The following ZNF385D variants were observed in gnomAD, a reference collection of about 807,000 sequenced individuals.
ZNF385D encodes the protein zinc finger protein 385D, also known as zinc finger protein 659.
A neutral mutation model predicts 35.8 loss-of-function variants in ZNF385D; 15 were observed. The ratio of observed to expected loss-of-function variants is 0.42; its 90% confidence interval spans 0.28 to 0.64. ZNF385D has a LOEUF of 0.64. ZNF385D is among the 30% of genes least tolerant of loss of function. ZNF385D has a pLI of 0.23. For missense variants in ZNF385D, 474 were observed against 494.6 expected (o/e 0.96, Z 0.39); for synonymous variants, 212 against 186.8 (o/e 1.13, Z -1.10).
intron 3 of ZNF385D, among the ~76,000 whole-genome samples, chr3:21,980,773 G>A (rs1000639412): frequency 2.0e-5 from 3 of 152,058 alleles, no homozygotes; most frequent in African/African-American, 7.2e-5. Context: ...GTGTTCATAA[G>A]TTCTTATCAT....
In ZNF385D at chr3:21,517,979, T is replaced by C. The variant is rs372292145; in HGVS notation, c.277-6956A>G. Among the ~76,000 whole-genome samples the C allele has an allele frequency of 5.5e-4, 84 of 152,270 alleles. 2 individuals carry two copies. The South Asian group carries it at 0.015, about 28-fold the overall frequency. ...ATTCTCAATCTCCATCCTGGACACA[T>C]TGAACCAGAAACTGAGAGGGAGGCT... On this transcript the variant is annotated intron_variant, in intron 3 of 7. Transcript: ENST00000281523.
chr3:21,967,257 C>A (rs1221731226), intron 3 of ZNF385D, among the ~76,000 whole-genome samples: 1 of 152,038 alleles, frequency 6.6e-6, no homozygotes, highest in Admixed American at 6.6e-5. Context: ...GGTCTTTTCT[C>A]GTCAAATTTC....
chr3:21,523,325 T>C (rs1708033807), intron 3 of ZNF385D, among the ~76,000 whole-genome samples: 1 of 152,202 alleles, frequency 6.6e-6, no homozygotes, highest in Non-Finnish European at 1.5e-5. Context: ...ACCAAACTTG[T>C]AGCCCCACTT....
intron 3 of ZNF385D, among the ~76,000 whole-genome samples, chr3:21,888,610 G>T (rs925952582): frequency 1.3e-5 from 2 of 152,092 alleles, no homozygotes; most frequent in African/African-American, 2.4e-5. Context: ...AAATAAAATG[G>T]AAACAGCAGG....
At position 21,600,493 on chromosome 3, in the gene ZNF385D, A is replaced by G. The variant is rs145540977; in HGVS notation, c.166-35809T>C. 1.4e-4 allele frequency among the ~76,000 whole-genome samples: 22 copies of G among 152,348 alleles called. No homozygotes were observed. The East Asian group carries it at 4.3e-3, about 29-fold the overall frequency. ...GAACAAGACCACACTCATTCATACTAGTCTTAATTAAAACAAGAAAAAAAC... is the reference window on the plus strand; with the variant it reads ...GAACAAGACCACACTCATTCATACTGGTCTTAATTAAAACAAGAAAAAAAC... On this transcript the variant is annotated intron_variant, in intron 2 of 7. Coordinates refer to ENST00000281523, the MANE Select transcript of ZNF385D (RefSeq NM_024697.3).
intron 1 of ZNF385D, among the ~76,000 whole-genome samples, chr3:21,737,834 A>G (rs1194094271): frequency 1.3e-5 from 2 of 152,196 alleles, no homozygotes; most frequent in African/African-American, 2.4e-5. Flanking sequence ...AGCAAGAAAG[A>G]AGACTGTTGC....
chr3:21,537,163 C>T (rs921193621), intron 3 of ZNF385D, among the ~76,000 whole-genome samples: 12 of 123,900 alleles, frequency 9.7e-5, no homozygotes, highest in Admixed American at 6.3e-4. Flanking sequence ...GATGGAGTCT[C>T]GCTGTGTCAC....
chr3:21,756,811 A>G (rs1222877137), intron 3 of ZNF385D, among the ~76,000 whole-genome samples: 1 of 152,234 alleles, frequency 6.6e-6, no homozygotes, highest in Non-Finnish European at 1.5e-5. Context: ...ACTCAATGTC[A>G]AAACAGTTTG....
At chr3:21,559,471 A>G (rs1009209388) in intron 3 of ZNF385D, among the ~76,000 whole-genome samples, 1 of 152,124 alleles carries the variant, frequency 6.6e-6, no homozygotes, top group Non-Finnish European at 1.5e-5. Context: ...TTTCTTTAAG[A>G]ATGTTGAATA....
At chr3:21,505,132 A>C (rs1388108060) in intron 4 of ZNF385D, among the ~76,000 whole-genome samples, 3 of 152,180 alleles carry the variant, frequency 2.0e-5, no homozygotes, top group African/African-American at 4.8e-5. Flanking sequence ...TGGGAAGTGC[A>C]GAACTCAAAA....
chr3:21,995,019 C>G (rs1446824217), intron 3 of ZNF385D, among the ~76,000 whole-genome samples: 2 of 152,216 alleles, frequency 1.3e-5, no homozygotes, highest in African/African-American at 4.8e-5. Flanking sequence ...ATCCTCTTGC[C>G]TCCAGGCAAC....
chr3:22,163,474 A>G (rs763004958), intron 3 of ZNF385D, among the ~76,000 whole-genome samples: 2 of 152,218 alleles, frequency 1.3e-5, no homozygotes, highest in Non-Finnish European at 2.9e-5. Flanking sequence ...GTAAATATGT[A>G]AAACATATTT....
intron 4 of ZNF385D, among the ~76,000 whole-genome samples, chr3:21,441,321 T>G (rs1410026239): frequency 6.6e-6 from 1 of 152,018 alleles, no homozygotes; most frequent in African/African-American, 2.4e-5. Context: ...AAACAAGAGG[T>G]GCACAACATT....
chr3:21,580,090 A>G (rs529671067), intron 2 of ZNF385D: 1 of 152,342 alleles, frequency 6.6e-6, no homozygotes, highest in South Asian at 2.1e-4. Flanking sequence ...TTACTCAGGC[A>G]TAAGTGCTAG....
In ZNF385D at chr3:21,841,715, TAC is replaced by T. The variant is rs1329876028; in HGVS notation, c.326-176689_326-176688del. On this transcript the variant is annotated intron_variant, in intron 3 of 5. Transcript: ENST00000494108. Reference sequence around the variant, plus strand: ...ATAAGTATGCATAATTCTTCCAAATTACACACACTTTTCATTTTGCTTAAATT... The same window carrying T: ...ATAAGTATGCATAATTCTTCCAAATTACACACTTTTCATTTTGCTTAAATT... Among the ~76,000 whole-genome samples the T allele has an allele frequency of 3.9e-5, 6 of 151,988 alleles. No individual in the cohort carries two copies. In the South Asian group the frequency reaches 1.0e-3, roughly 26 times the overall value.
chr3:22,005,132 T>C (rs995577602), intron 3 of ZNF385D, among the ~76,000 whole-genome samples: 33 of 85,730 alleles, frequency 3.8e-4, no homozygotes, highest in Non-Finnish European at 2.0e-4. Flanking sequence ...AGAATATGAA[T>C]AGACATTTCT....
intron 3 of ZNF385D, among the ~76,000 whole-genome samples, chr3:21,802,497 C>T (rs1312723367): frequency 6.6e-6 from 1 of 152,046 alleles, no homozygotes; most frequent in South Asian, 2.1e-4. Context: ...TACACTTGAA[C>T]CAGTACCTTA....
intron 2 of ZNF385D, among the ~76,000 whole-genome samples, chr3:22,341,473 A>C (rs1695417036): frequency 1.3e-5 from 2 of 152,204 alleles, no homozygotes; most frequent in South Asian, 4.1e-4. Flanking sequence ...AACAACCTAC[A>C]AACCTCCTTC....
In ZNF385D at chr3:21,608,762, T is replaced by A. The variant is rs555263345; in HGVS notation, c.166-44078A>T. 3.9e-5 allele frequency among the ~76,000 whole-genome samples: 6 copies of A among 152,304 alleles called. No individual in the cohort carries two copies. The South Asian group carries it at 1.2e-3, about 32-fold the overall frequency. On this transcript the variant is annotated intron_variant, in intron 2 of 7. Coordinates refer to ENST00000281523, the MANE Select transcript of ZNF385D (RefSeq NM_024697.3). ...GGTTTCATGTAGAAGTCAAAATTCG[T>A]CTACAAATGAAAGTAGTTCCCAATC...
Sources: allele counts gnomAD v4.1 joint callset (sites outside exome capture counted in the v4.1 genomes callset), GRCh38; gene constraint gnomAD v4.1.1; transcripts MANE v1.5; gene names NCBI Gene and HGNC (gene_info 2026-07-23, HGNC 2026-07-21).